TMEM145: variants seen among roughly 807,000 people sequenced by gnomAD.
TMEM145 encodes the protein transmembrane protein 145.
Under a neutral mutation model 68.5 loss-of-function variants are expected in TMEM145, and 46 were observed. The ratio of observed to expected loss-of-function variants is 0.67; its 90% confidence interval spans 0.53 to 0.86. TMEM145 has a LOEUF of 0.86. TMEM145 is among the 40% of genes least tolerant of loss of function. The pLI, the probability that TMEM145 is intolerant of heterozygous loss-of-function variation, is 0.00. For missense variants in TMEM145, 570 were observed against 645.8 expected (o/e 0.88, Z 1.27); for synonymous variants, 255 against 280.2 (o/e 0.91, Z 0.90).
At chr19:42,320,458 G>T (rs1448285141) in intron 13 of TMEM145, 21 bp downstream of exon 13, 3 of 1,613,432 alleles carry the variant, frequency 1.9e-6, no homozygotes, top group Non-Finnish European at 2.5e-6. Context: ...GCATCTGTGG[G>T]GGGTGGAGGG....
intron 8 of TMEM145, among the ~76,000 whole-genome samples, chr19:42,315,675 C>T (rs896624092): frequency 2.6e-5 from 4 of 151,264 alleles, no homozygotes; most frequent in African/African-American, 7.3e-5. Context: ...GGGACCTGGA[C>T]CCCTGGTTCC....
chr19:42,323,578 C>G lies in TMEM145; in HGVS notation c.1195-5C>G. On this transcript the variant is annotated splice_polypyrimidine_tract_variant and splice_region_variant and intron_variant, in intron 13 of 14. Coordinates refer to ENST00000301204, the MANE Select transcript of TMEM145 (RefSeq NM_173633.3). ...TCTCACACCTGCTCCTGGCCCTGGCCTCAGATCATGACCCGCCCATCAGCG... is the reference window on the plus strand; with the variant it reads ...TCTCACACCTGCTCCTGGCCCTGGCGTCAGATCATGACCCGCCCATCAGCG... The G allele has an allele frequency of 1.9e-6, 3 of 1,613,708 alleles. No individual in the cohort carries two copies. The highest frequency in any genetic ancestry group is 2.5e-6 in the Non-Finnish European group (3 of 1,179,924).
chr19:42,317,963 C>A, intron 12 of TMEM145, 82 bp downstream of exon 12: 2 of 1,470,094 alleles, frequency 1.4e-6, no homozygotes, highest in South Asian at 1.2e-5. Context: ...TCAGACCCTC[C>A]ATAGTGAGGG....
Position 42,316,890 on chromosome 19 carries a change from G to C in TMEM145, c.827G>C (p.Gly276Ala). The change falls in exon 11 of 15, where the codon GGC becomes GCC. Residue 276 changes from glycine (G) to alanine (A), a missense_variant. Coordinates refer to ENST00000301204, the MANE Select transcript of TMEM145 (RefSeq NM_173633.3). ...TVTRGRISHA[G>A]SVKLSVYMTL... is the part of the protein sequence containing the mutation. ...GCCAGGGGCCGCATCAGCCACGCGG[G>C]CTCCGTGAAGTTGTCTGTCTACATG... The C allele has an allele frequency of 1.2e-6, 2 of 1,613,644 alleles. No individual in the cohort carries two copies. Among genetic ancestry groups the C allele is most frequent in the Non-Finnish European group, 1.7e-6 (2 of 1,179,948 alleles).
Position 42,313,387 on chromosome 19 carries a change from T to C in TMEM145, c.11T>C (p.Leu4Pro). 1 of 1,285,542 alleles carries C rather than the reference T, an allele frequency of 7.8e-7. No individual in the cohort carries two copies. Among genetic ancestry groups the C allele is most frequent in the Non-Finnish European group, 1.0e-6 (1 of 1,002,620 alleles). The allele number at this position is 1,285,542 out of a possible 1,614,324, so 79.6% of individuals were successfully genotyped here. Residue 4 changes from leucine (L) to proline (P), a missense_variant, in exon 1 of 15, where the codon CTG (leucine) becomes CCG (proline). Coordinates refer to ENST00000301204, the MANE Select transcript of TMEM145 (RefSeq NM_173633.3). This position sits in a 1 kb window ranked among gnomAD's most constrained non-coding sequence, Gnocchi z 5.1. MEP[L>P]RAPALRRLLP... ...GCCGGAGCGGGCGGAATGGAGCCCCTGCGCGCGCCCGCGCTGCGCCGCCTG... is the reference window on the plus strand; with the variant it reads ...GCCGGAGCGGGCGGAATGGAGCCCCCGCGCGCGCCCGCGCTGCGCCGCCTG...
At chr19:42,317,098 G>T (rs2038867059) in intron 11 of TMEM145, 135 bp downstream of exon 11, 3 of 736,502 alleles carry the variant, frequency 4.1e-6, no homozygotes. Flanking sequence ...TCGATTTTCT[G>T]CTTTCCCATC....
In TMEM145 at chr19:42,319,384, A is replaced by G. The variant is rs185016123; in HGVS notation, c.1074-933A>G. Among the ~76,000 whole-genome samples, 650 of 152,328 alleles carry G rather than the reference A, an allele frequency of 4.3e-3. 6 individuals are homozygous for G. Among genetic ancestry groups the G allele is most frequent in the African/African-American group, 0.015 (605 of 41,578 alleles). On this transcript the variant is annotated intron_variant, in intron 12 of 14. Coordinates refer to ENST00000301204, the MANE Select transcript of TMEM145 (RefSeq NM_173633.3). ...TGCTTAGAAACAGGCCTGGCATGCA[A>G]TAAGTCCTTACTTCTTATTATCATT...
intron 4 of TMEM145, 29 bp downstream of exon 4, chr19:42,314,728 G>T: frequency 6.2e-7 from 1 of 1,614,186 alleles, no homozygotes; most frequent in Non-Finnish European, 8.5e-7. Flanking sequence ...GGAGTGGGCA[G>T]GTGCTGAAGG....
At chr19:42,315,142 G>A (rs1164933659) in intron 6 of TMEM145, 46 bp from the exon 7 acceptor site, 3 of 1,614,126 alleles carry the variant, frequency 1.9e-6, no homozygotes, top group Middle Eastern at 1.6e-4. Flanking sequence ...GCCCACTGAG[G>A]GGACATCCAC....
chr19:42,324,023 G>A lies in TMEM145; in HGVS notation c.1401+234G>A, dbSNP rs1266333807. 2.0e-5 allele frequency among the ~76,000 whole-genome samples: 3 copies of A among 151,688 alleles called. No individual in the cohort carries two copies. In the South Asian group the frequency reaches 6.2e-4, roughly 32 times the overall value. On this transcript the variant is annotated intron_variant, in intron 14 of 14. Coordinates refer to ENST00000301204, the MANE Select transcript of TMEM145 (RefSeq NM_173633.3). ...CACCCCCGCAGACTCCCTGCGCCGT[G>A]CCCCCACCGCCCGCCTTCCGCGGCT... is the stretch of plus-strand genomic sequence containing the variant.
At chr19:42,318,635 C>T (rs894816229) in intron 12 of TMEM145, among the ~76,000 whole-genome samples, 18 of 147,460 alleles carry the variant, frequency 1.2e-4, no homozygotes, top group African/African-American at 4.1e-4. Flanking sequence ...TGCAGTGAGC[C>T]GAGATCACAT....
chr19:42,316,896 T>A lies in TMEM145; in HGVS notation c.833T>A (p.Val278Glu), dbSNP rs758848298. ...GGCCGCATCAGCCACGCGGGCTCCG[T>A]GAAGTTGTCTGTCTACATGACCCTG... Reference protein sequence around the residue: ...TRGRISHAGSVKLSVYMTLYT... With the variant: ...TRGRISHAGSEKLSVYMTLYT... The change falls in exon 11 of 15, where the codon GTG (valine) becomes GAG (glutamate). Residue 278 changes from valine to glutamate, a missense_variant. By Grantham distance (121) the Val-to-Glu change is moderately radical. Coordinates refer to ENST00000301204, the MANE Select transcript of TMEM145 (RefSeq NM_173633.3). The A allele has an allele frequency of 1.9e-6, 3 of 1,613,736 alleles. No homozygotes were observed. In the South Asian group the frequency reaches 3.3e-5, roughly 18 times the overall value.
chr19:42,323,883 G>C (rs1406714433), intron 14 of TMEM145, 94 bp downstream of exon 14: 12 of 1,098,448 alleles, frequency 1.1e-5, no homozygotes, highest in Admixed American at 1.0e-4. Context: ...CCCAGCGCCC[G>C]GACCCCTGAG....
Position 42,321,108 on chromosome 19 carries a change from C to T in TMEM145, c.1194+671C>T, listed in dbSNP as rs1028564248. 5.0e-5 allele frequency: 20 copies of T among 398,788 alleles called. No individual in the cohort carries two copies. In the Admixed American group the frequency reaches 8.8e-4, roughly 18 times the overall value. The allele number at this position is 398,788 out of a possible 1,614,324, so 24.7% of individuals were successfully genotyped here. A position where few individuals can be genotyped will look rare whatever the true frequency, so the allele number is the denominator to read the frequency against. On this transcript the variant is annotated intron_variant, in intron 13 of 14. Transcript: ENST00000301204. ...CACCCTCCTTGATCTCTCCACTCTC[C>T]CCCTGCCCCTGCCCAAATTCTGCCA...
chr19:42,316,219 A>C (rs1277988400), intron 8 of TMEM145, among the ~76,000 whole-genome samples: 1 of 41,870 alleles, frequency 2.4e-5, no homozygotes, highest in Non-Finnish European at 4.2e-5. Context: ...GGGGGCCTGG[A>C]CCCCTGGGTC....
chr19:42,320,544 A>G, intron 13 of TMEM145, 107 bp downstream of exon 13: 1 of 1,523,922 alleles, frequency 6.6e-7, no homozygotes, highest in Non-Finnish European at 8.9e-7. Context: ...GTCTTGATCC[A>G]TTTTCCTTTT....
intron 14 of TMEM145, 181 bp from the exon 15 acceptor site, chr19:42,324,556 C>A: frequency 1.0e-6 from 1 of 985,228 alleles, no homozygotes; most frequent in South Asian, 4.7e-5. Flanking sequence ...CCCCATGGGC[C>A]ATGACCGGGC....
At chr19:42,314,009 C>T (rs1389518474) in intron 1 of TMEM145, among the ~76,000 whole-genome samples, 1 of 151,694 alleles carries the variant, frequency 6.6e-6, no homozygotes, top group Admixed American at 6.6e-5. Context: ...GTCTTTCTCC[C>T]CAGAAAGATC....
rs1025917218 is a variant in TMEM145 at position 42,313,575 on chromosome 19, C to G, written c.120+79C>G. 12 of 1,070,212 alleles carry G rather than the reference C, an allele frequency of 1.1e-5. No homozygotes were observed. In the Middle Eastern group the frequency reaches 1.4e-3, roughly 124 times the overall value. The allele number at this position is 1,070,212 out of a possible 1,614,324, so 66.3% of individuals were successfully genotyped here. On this transcript the variant is annotated intron_variant, in intron 1 of 14. Coordinates refer to ENST00000301204, the MANE Select transcript of TMEM145 (RefSeq NM_173633.3). The surrounding 1 kb of genome is among the most constrained non-coding windows in gnomAD (Gnocchi z 5.1). ...GAGGCGAGGGGAGCGGGTACCGCCT[C>G]GCCCCCTGCCGCCCCTCCTGGCGGA...
Sources: allele counts gnomAD v4.1 joint callset (sites outside exome capture counted in the v4.1 genomes callset), GRCh38; gene constraint gnomAD v4.1.1; non-coding constraint Gnocchi (gnomAD v3.1); transcripts MANE v1.5; gene names NCBI Gene and HGNC (gene_info 2026-07-23, HGNC 2026-07-21).